Variants in SAMMSON observed in about 807,000 individuals in gnomAD.
SAMMSON encodes the protein long intergenic non-protein coding RNA 1212.
At chr3:70,174,175 G>T (rs1336388205) in intron 4 of SAMMSON, among the ~76,000 whole-genome samples, 1 of 151,830 alleles carries the variant, frequency 6.6e-6, no homozygotes, top group African/African-American at 2.4e-5. Flanking sequence ...ACATTGATTT[G>T]TATTCATTTT....
At chr3:70,234,388 C>T (rs1701588808) in intron 4 of SAMMSON, among the ~76,000 whole-genome samples, 1 of 152,128 alleles carries the variant, frequency 6.6e-6, no homozygotes, top group African/African-American at 2.4e-5. Flanking sequence ...GTGGCTCATG[C>T]CTGTAATCCT....
At chr3:70,210,092 CA>C (rs1449107876) in intron 4 of SAMMSON, among the ~76,000 whole-genome samples, 3 of 151,794 alleles carry the variant, frequency 2.0e-5, no homozygotes, top group East Asian at 3.9e-4. Context: ...AATTCAGTAA[CA>C]AAAAAAAGTT....
intron 6 of SAMMSON, among the ~76,000 whole-genome samples, chr3:70,288,177 C>T (rs1702188496): frequency 1.4e-5 from 2 of 142,620 alleles, no homozygotes; most frequent in South Asian, 5.0e-4. Context: ...ATCTTTCCTG[C>T]TTTCTCTTGT....
intron 3 of SAMMSON, among the ~76,000 whole-genome samples, chr3:70,030,072 T>C (rs2067058602): frequency 6.6e-6 from 1 of 152,178 alleles, no homozygotes; most frequent in Non-Finnish European, 1.5e-5. Flanking sequence ...TGAGTGCTAG[T>C]AAGAGAGAAA....
intron 9 of SAMMSON, among the ~76,000 whole-genome samples, chr3:70,380,166 T>G (rs924376650): frequency 1.3e-5 from 2 of 152,146 alleles, no homozygotes; most frequent in Non-Finnish European, 1.5e-5. Context: ...CTGCATAACC[T>G]TAAGCTGGAT....
chr3:70,217,358 T>C (rs1312026710), intron 4 of SAMMSON, among the ~76,000 whole-genome samples: 1 of 152,118 alleles, frequency 6.6e-6, no homozygotes, highest in Non-Finnish European at 1.5e-5. Context: ...TATTGATTTG[T>C]GTAGGTTGAA....
rs566207896 is a variant in SAMMSON at position 70,430,330 on chromosome 3, G to A, written n.234-32230G>A. On this transcript the variant is annotated intron_variant and non_coding_transcript_variant, in intron 2 of 3. Transcript: ENST00000641053. Reference sequence around the variant, plus strand: ...CAGGGATGAAGCTGGCTTGATCGTGGTGAATAAGCTTTTTGATGTGCTGCT... The same window carrying A: ...CAGGGATGAAGCTGGCTTGATCGTGATGAATAAGCTTTTTGATGTGCTGCT... Among the ~76,000 whole-genome samples, 4 of 152,234 alleles carry A rather than the reference G, an allele frequency of 2.6e-5. No individual in the cohort carries two copies. The South Asian group carries it at 8.3e-4, about 32-fold the overall frequency.
intron 4 of SAMMSON, among the ~76,000 whole-genome samples, chr3:70,133,252 T>A (rs1171223301): frequency 6.6e-6 from 1 of 152,034 alleles, no homozygotes; most frequent in African/African-American, 2.4e-5. Context: ...GTTGAGTTGA[T>A]TACCAATGGC....
intron 4 of SAMMSON, chr3:70,126,473 A>G (rs1177334420): frequency 3.0e-6 from 2 of 657,986 alleles, no homozygotes; most frequent in Non-Finnish European, 5.6e-6. Context: ...GAAGTACTTC[A>G]GCAAGTCCTC....
intron 7 of SAMMSON, among the ~76,000 whole-genome samples, chr3:70,334,753 T>C (rs1433170211): frequency 6.6e-6 from 1 of 152,116 alleles, no homozygotes; most frequent in Non-Finnish European, 1.5e-5. Context: ...CCCAGAGCTA[T>C]GTTGCTAATG....
At chr3:70,127,516 A>G (rs531268586) in intron 4 of SAMMSON, among the ~76,000 whole-genome samples, 16 of 152,204 alleles carry the variant, frequency 1.1e-4, no homozygotes, top group Non-Finnish European at 1.9e-4. Flanking sequence ...CCAATGAGAT[A>G]TAGGATCTCA....
At chr3:70,319,145 A>G (rs1702517544) in intron 7 of SAMMSON, among the ~76,000 whole-genome samples, 1 of 152,084 alleles carries the variant, frequency 6.6e-6, no homozygotes, top group Non-Finnish European at 1.5e-5. Context: ...TCTCTACATT[A>G]TAGAGTCCCC....
At chr3:70,419,712 C>T (rs915686272) in intron 2 of SAMMSON, among the ~76,000 whole-genome samples, 1 of 152,202 alleles carries the variant, frequency 6.6e-6, no homozygotes, top group African/African-American at 2.4e-5. Context: ...AATTTCGGCT[C>T]ACTGCAAGCT....
intron 6 of SAMMSON, among the ~76,000 whole-genome samples, chr3:70,276,806 C>A (rs1224703023): frequency 6.6e-6 from 1 of 152,134 alleles, no homozygotes; most frequent in African/African-American, 2.4e-5. Flanking sequence ...CCCACTAAGC[C>A]AGAAATATTT....
intron 3 of SAMMSON, among the ~76,000 whole-genome samples, chr3:70,047,000 C>T (rs2107588160): frequency 6.6e-6 from 1 of 152,236 alleles, no homozygotes; most frequent in East Asian, 1.9e-4. Flanking sequence ...GCTCAACATC[C>T]TTCACCTTTG....
chr3:70,393,602 G>T (rs139394981), downstream of SAMMSON, among the ~76,000 whole-genome samples: 1,536 of 152,200 alleles, frequency 0.01, 25 homozygotes, highest in African/African-American at 0.034. Context: ...TGTGATAAAA[G>T]CTTCTAGAAA....
At chr3:70,343,635 T>A (rs565900696) in intron 7 of SAMMSON, among the ~76,000 whole-genome samples, 2 of 152,150 alleles carry the variant, frequency 1.3e-5, no homozygotes, top group African/African-American at 4.8e-5. Context: ...ATCACCTTGA[T>A]AAAGGGAGGT....
At chr3:70,260,878 C>A (rs1461292701) in intron 6 of SAMMSON, among the ~76,000 whole-genome samples, 1 of 152,088 alleles carries the variant, frequency 6.6e-6, no homozygotes, top group Non-Finnish European at 1.5e-5. Flanking sequence ...AGAGAATGTA[C>A]CATCTTTTCC....
intron 4 of SAMMSON, among the ~76,000 whole-genome samples, chr3:70,220,710 G>T (rs1701454093): frequency 6.6e-6 from 1 of 152,168 alleles, no homozygotes. Flanking sequence ...AATATTTGCT[G>T]ACTGCTACTG....
Sources: allele counts gnomAD v4.1 joint callset (sites outside exome capture counted in the v4.1 genomes callset), GRCh38; gene constraint gnomAD v4.1.1; transcripts MANE v1.5; gene names NCBI Gene and HGNC (gene_info 2026-07-23, HGNC 2026-07-21).